The following NXN variants were observed in gnomAD, a reference collection of about 807,000 sequenced individuals.
The protein encoded by NXN is nucleoredoxin 1.
In NXN, 16 loss-of-function variants were observed where a neutral mutation model predicts 48.6. That is an observed-to-expected ratio of 0.33 (90% CI 0.22 to 0.50). NXN has a LOEUF of 0.50. NXN is among the 20% of genes least tolerant of loss of function. The pLI, the probability that NXN is intolerant of heterozygous loss-of-function variation, is 0.98. For missense variants in NXN, 492 were observed against 605.5 expected, an observed-to-expected ratio of 0.81 and a Z score of 1.97; for synonymous variants, 281 against 269.6, an observed-to-expected ratio of 1.04 and a Z score of -0.41.
chr17:918,488 T>G (rs2068713118), intron 1 of NXN, among the ~76,000 whole-genome samples: 1 of 152,066 alleles, frequency 6.6e-6, no homozygotes, highest in African/African-American at 2.4e-5. Context: ...TGTCTTAATT[T>G]CTTGACTTAA....
chr17:901,094 T>A, intron 1 of NXN, among the ~76,000 whole-genome samples: 1 of 152,008 alleles, frequency 6.6e-6, no homozygotes, highest in South Asian at 2.1e-4. Flanking sequence ...CTAATTTTTG[T>A]ATTTTTAGTA....
rs1053222670 is a variant in NXN at position 825,656 on chromosome 17, G to A, written c.478+305C>T. 4 of 297,332 alleles carry A rather than the reference G, an allele frequency of 1.3e-5. No individual in the cohort carries two copies. Among genetic ancestry groups the A allele is most frequent in the Admixed American group, 4.7e-5 (1 of 21,112 alleles). The allele number at this position is 297,332 out of a possible 1,614,324, so 18.4% of individuals were successfully genotyped here. ...CACGGATGCAGCACTAGAGGCCGGGGTCTGAGCTCTCCGCTTTCCCACAGC... is the reference window on the plus strand; with the variant it reads ...CACGGATGCAGCACTAGAGGCCGGGATCTGAGCTCTCCGCTTTCCCACAGC... On this transcript the variant is annotated intron_variant, in intron 2 of 7. Coordinates refer to ENST00000336868, the MANE Select transcript of NXN (RefSeq NM_022463.5). This position sits in a 1 kb window ranked among gnomAD's most constrained non-coding sequence, Gnocchi z 4.1.
At chr17:891,228 C>T (rs1451668927) in intron 1 of NXN, among the ~76,000 whole-genome samples, 1 of 152,082 alleles carries the variant, frequency 6.6e-6, no homozygotes, top group East Asian at 1.9e-4. Flanking sequence ...CTGTGTGCCA[C>T]CATGCCCAGC....
chr17:870,392 C>T (rs922327330), intron 1 of NXN, among the ~76,000 whole-genome samples: 3 of 152,012 alleles, frequency 2.0e-5, no homozygotes, highest in Non-Finnish European at 2.9e-5. Flanking sequence ...ACTGTTATCA[C>T]GTGATCAGAG....
chr17:910,961 A>G (rs1353348193), intron 1 of NXN: 1 of 152,136 alleles, frequency 6.6e-6, no homozygotes, highest in Non-Finnish European at 1.5e-5. Flanking sequence ...ACTTTAAGGA[A>G]GATTCCTTCC....
intron 1 of NXN, among the ~76,000 whole-genome samples, chr17:893,536 G>A (rs1320319875): frequency 6.7e-6 from 1 of 150,366 alleles, no homozygotes; most frequent in Non-Finnish European, 1.5e-5. Context: ...GCATCTCAAC[G>A]CCTGGAAGCC....
At chr17:871,190 G>A (rs975833840) in intron 1 of NXN, among the ~76,000 whole-genome samples, 6 of 151,726 alleles carry the variant, frequency 4.0e-5, no homozygotes, top group African/African-American at 1.2e-4. Context: ...GGTGATCTTC[G>A]CAGCTCTCAT....
At chr17:843,056 G>GAAAGAAAGAAAGAAAGAAAGAAAGA (rs113972004) in intron 1 of NXN, among the ~76,000 whole-genome samples, 1 of 107,338 alleles carries the variant, frequency 9.3e-6, no homozygotes, top group African/African-American at 3.9e-5. Flanking sequence ...AAGAAAGAAA[G>GAAAGAAAGAAAGAAAGAAAGAAAGA]AAGGAAGAAA....
intron 5 of NXN, among the ~76,000 whole-genome samples, chr17:811,260 T>C (rs1309041199): frequency 1.3e-5 from 2 of 152,146 alleles, no homozygotes; most frequent in African/African-American, 4.8e-5. Context: ...TGCACAGCCC[T>C]CAGGCCGTCC....
chr17:892,599 C>G (rs1407878027), intron 1 of NXN, among the ~76,000 whole-genome samples: 1 of 149,750 alleles, frequency 6.7e-6, no homozygotes, highest in African/African-American at 2.5e-5. Flanking sequence ...GTCTCGCAGT[C>G]TCAGCACTGC....
chr17:839,966 A>G (rs1373973104), intron 1 of NXN, among the ~76,000 whole-genome samples: 1 of 151,742 alleles, frequency 6.6e-6, no homozygotes, highest in Non-Finnish European at 1.5e-5. Flanking sequence ...GCAAGGAGAC[A>G]GGTGCCTGTA....
chr17:799,832 G>A lies in NXN; in HGVS notation c.*1117C>T, dbSNP rs1391702730. The A allele has an allele frequency of 6.6e-6, 1 of 152,372 alleles. No homozygotes were observed. Among genetic ancestry groups the A allele is most frequent in the Non-Finnish European group, 1.5e-5 (1 of 68,176 alleles). The allele number at this position is 152,372 out of a possible 1,614,324, so 9.4% of individuals were successfully genotyped here. A position where few individuals can be genotyped will look rare whatever the true frequency, so the allele number is the denominator to read the frequency against. ...TGTAGTTCTGCTTTGAAAAGAAAAG[G>A]GGGCCGGGCACGGCGGCTCACGCCT... On this transcript the variant is annotated 3_prime_UTR_variant, in exon 8 of 8. Coordinates refer to ENST00000336868, the MANE Select transcript of NXN (RefSeq NM_022463.5).
At chr17:957,597 A>G (rs1319635140) in intron 1 of NXN, among the ~76,000 whole-genome samples, 1 of 148,518 alleles carries the variant, frequency 6.7e-6, no homozygotes, top group Non-Finnish European at 1.5e-5. Flanking sequence ...AAGCCACTGC[A>G]CTCCAGCCTG....
chr17:909,098 CAAAAAAAAAAAAAAAA>C (rs59822805), intron 1 of NXN, among the ~76,000 whole-genome samples: 3,520 of 117,376 alleles, frequency 0.03, 80 homozygotes, highest in Non-Finnish European at 0.044. Flanking sequence ...GACTTCGTCT[CAAAAAAAAAAAAAAAA>C]AAAAAAAAAA....
intron 5 of NXN, among the ~76,000 whole-genome samples, chr17:807,208 G>A (rs1458220513): frequency 6.6e-6 from 1 of 152,198 alleles, no homozygotes; most frequent in African/African-American, 2.4e-5. Flanking sequence ...TGGCCGCACA[G>A]GAGCCCCTCC....
intron 1 of NXN, chr17:908,063 G>C (rs760747861): frequency 6.6e-6 from 1 of 152,000 alleles, no homozygotes; most frequent in Non-Finnish European, 1.5e-5. Flanking sequence ...GGACCTAAAG[G>C]TTCCAAGAAA....
intron 1 of NXN, among the ~76,000 whole-genome samples, chr17:833,578 C>G (rs1281327261): frequency 2.0e-5 from 3 of 152,012 alleles, no homozygotes; most frequent in Non-Finnish European, 4.4e-5. Flanking sequence ...GGGTCACAGA[C>G]AGTTTTGAGG....
intron 1 of NXN, chr17:863,764 A>T (rs1174303282): frequency 3.3e-6 from 2 of 614,840 alleles, no homozygotes; most frequent in Admixed American, 2.6e-5. Flanking sequence ...CACCTGGCTG[A>T]CACTGTATTT....
Position 801,954 on chromosome 17 carries a change from A to T in NXN, c.1126-823T>A, listed in dbSNP as rs911089566. ...GTTCAGAAGACAGCGCTGCTTAAGC[A>T]CTGTGGAAGCTTACGCTGCCTCACT... is the stretch of plus-strand genomic sequence containing the variant. On this transcript the variant is annotated intron_variant, in intron 7 of 7. Transcript: ENST00000336868. Among the ~76,000 whole-genome samples the T allele has an allele frequency of 3.3e-5, 5 of 152,332 alleles. No homozygotes were observed. The South Asian group carries it at 1.0e-3, about 32-fold the overall frequency.
Sources: gnomAD v4.1 joint callset for allele counts (sites outside exome capture counted in the v4.1 genomes callset) on GRCh38, gnomAD v4.1.1 for gene constraint, Gnocchi (gnomAD v3.1) non-coding constraint, MANE v1.5 for transcripts, NCBI Gene and HGNC (gene_info 2026-07-23, HGNC 2026-07-21) for gene names.